NFIA: variants seen among roughly 807,000 people sequenced by gnomAD.
NFIA encodes nuclear factor I A.
A neutral mutation model predicts 62.8 loss-of-function variants in NFIA; 8 were observed. The observed-to-expected ratio is 0.13, with a 90% CI of 0.07 to 0.23. The LOEUF (loss-of-function observed/expected upper bound fraction) is 0.23, where lower values mean the gene tolerates loss of function less well. Ranked by LOEUF, NFIA falls within the 10% of genes least tolerant of loss-of-function variation. The pLI, the probability that NFIA is intolerant of heterozygous loss-of-function variation, is 1.00. For missense variants in NFIA, 410 were observed against 642.1 expected (o/e 0.64, Z 3.91); for synonymous variants, 235 against 238.1 (o/e 0.99, Z 0.12).
At chr1:61,378,487 T>C (rs1664257161) in intron 6 of NFIA, among the ~76,000 whole-genome samples, 2 of 152,330 alleles carry the variant, frequency 1.3e-5, no homozygotes, top group Middle Eastern at 3.4e-3. Flanking sequence ...GTAATTATTG[T>C]ACAGTAAACA....
intron 2 of NFIA, among the ~76,000 whole-genome samples, chr1:61,221,206 G>A (rs868509144): frequency 6.6e-6 from 1 of 151,850 alleles, no homozygotes; most frequent in Non-Finnish European, 1.5e-5. Context: ...AAGAGTGTAT[G>A]TATAAAAATT....
intron 10 of NFIA, among the ~76,000 whole-genome samples, chr1:61,431,964 G>C (rs745358561): frequency 6.6e-6 from 1 of 152,116 alleles, no homozygotes; most frequent in Non-Finnish European, 1.5e-5. Flanking sequence ...AAAGTACAGG[G>C]AATAAAAACT....
intron 10 of NFIA, among the ~76,000 whole-genome samples, chr1:61,445,009 T>G (rs1667744896): frequency 1.3e-5 from 2 of 152,216 alleles, no homozygotes; most frequent in Admixed American, 6.5e-5. Flanking sequence ...CAAGTGGAAT[T>G]TATCCGAAAA....
rs559281996 is a variant in NFIA at position 61,461,557 on chromosome 1, G to A, written c.*6237G>A. 1 of 152,052 alleles carries A rather than the reference G, an allele frequency of 6.6e-6. No individual in the cohort carries two copies. The highest frequency in any genetic ancestry group is 1.5e-5 in the Non-Finnish European group (1 of 68,022). 9.4% of individuals were successfully genotyped at this position (152,052 alleles called of 1,614,324 possible). A position where few individuals can be genotyped will look rare whatever the true frequency, so the allele number is the denominator to read the frequency against. On this transcript the variant is annotated 3_prime_UTR_variant, in exon 11 of 11. Coordinates refer to ENST00000403491, the MANE Select transcript of NFIA (RefSeq NM_001134673.4). Reference sequence around the variant, plus strand: ...AAAGAGTTACCTTTCCCAGATTAGGGGGATGGTATGTGGGGAGCAGATAGC... The same window carrying A: ...AAAGAGTTACCTTTCCCAGATTAGGAGGATGGTATGTGGGGAGCAGATAGC...
intron 2 of NFIA, among the ~76,000 whole-genome samples, chr1:61,093,329 CTG>C (rs1307922134): frequency 6.6e-6 from 1 of 151,988 alleles, no homozygotes; most frequent in Admixed American, 6.6e-5. Context: ...AGAATATACA[CTG>C]TATATTGTAT....
At chr1:61,156,773 C>T (rs193117309) in intron 2 of NFIA, among the ~76,000 whole-genome samples, 165 of 152,308 alleles carry the variant, frequency 1.1e-3, no homozygotes, top group African/African-American at 3.9e-3. Flanking sequence ...ATAACAGCAG[C>T]GGTAAATCAG....
chr1:61,451,489 C>T (rs1240814595), intron 10 of NFIA, among the ~76,000 whole-genome samples: 1 of 152,162 alleles, frequency 6.6e-6, no homozygotes, highest in East Asian at 1.9e-4. Flanking sequence ...AGCTCTTGTC[C>T]TGGACTGCAG....
intron 1 of NFIA, among the ~76,000 whole-genome samples, chr1:61,083,620 G>GT (rs899184063): frequency 2.6e-5 from 4 of 151,698 alleles, no homozygotes; most frequent in African/African-American, 9.7e-5. Context: ...CGGAGTGAAA[G>GT]TTTCGGGGCC....
intron 2 of NFIA, among the ~76,000 whole-genome samples, chr1:61,164,499 G>A (rs745620138): frequency 1.1e-4 from 17 of 151,640 alleles, no homozygotes; most frequent in Middle Eastern, 3.4e-3. Context: ...TTGCTCTGTC[G>A]CCCAGGCTGG....
intron 4 of NFIA, among the ~76,000 whole-genome samples, chr1:61,338,904 A>G (rs567507015): frequency 1.3e-5 from 2 of 152,220 alleles, no homozygotes; most frequent in Non-Finnish European, 2.9e-5. Context: ...TTGCATGGAA[A>G]TTAATTTTTA....
intron 2 of NFIA, among the ~76,000 whole-genome samples, chr1:61,157,849 A>G (rs997262403): frequency 6.6e-6 from 1 of 152,246 alleles, no homozygotes; most frequent in Non-Finnish European, 1.5e-5. Context: ...GAAAACTTTC[A>G]TAAGAGATTT....
intron 2 of NFIA, among the ~76,000 whole-genome samples, chr1:61,140,575 C>A (rs1003794267): frequency 6.6e-6 from 1 of 151,864 alleles, no homozygotes; most frequent in African/African-American, 2.4e-5. Flanking sequence ...GGGAAAAATT[C>A]TATTTATAAA....
chr1:61,325,932 CAAAAAAAAAA>C (rs36122626), intron 3 of NFIA, among the ~76,000 whole-genome samples: 7 of 87,910 alleles, frequency 8.0e-5, no homozygotes, highest in Admixed American at 3.2e-4. Flanking sequence ...GACTCTGTCT[CAAAAAAAAAA>C]AAAAAAAAAA....
At chr1:61,429,968 G>A (rs1303717048) in intron 10 of NFIA, among the ~76,000 whole-genome samples, 3 of 152,166 alleles carry the variant, frequency 2.0e-5, no homozygotes, top group Admixed American at 6.5e-5. Flanking sequence ...TCAGCTTTGC[G>A]AGATGAAAAG....
chr1:61,253,017 G>A (rs1252050487), intron 2 of NFIA, among the ~76,000 whole-genome samples: 3 of 152,154 alleles, frequency 2.0e-5, no homozygotes, highest in East Asian at 1.9e-4. Flanking sequence ...CTGAAATTAC[G>A]TGAAGGTTGA....
At chr1:61,342,205 TG>T (rs1661959999) in intron 4 of NFIA, among the ~76,000 whole-genome samples, 1 of 151,788 alleles carries the variant, frequency 6.6e-6, no homozygotes, top group South Asian at 2.1e-4. Flanking sequence ...TTTTTTTTTT[TG>T]TAAACAGCTG....
intron 3 of NFIA, among the ~76,000 whole-genome samples, chr1:61,315,616 G>A (rs1660328742): frequency 6.6e-6 from 1 of 152,116 alleles, no homozygotes; most frequent in Non-Finnish European, 1.5e-5. Flanking sequence ...AATGATTAGA[G>A]GGAAAAATAT....
rs554334144 is a variant in NFIA at position 61,318,251 on chromosome 1, GATAA to G, written c.626-14256_626-14253del. 2.6e-3 allele frequency among the ~76,000 whole-genome samples: 394 copies of G among 152,204 alleles called. 1 individual carries two copies. Among genetic ancestry groups the G allele is most frequent in the Non-Finnish European group, 3.6e-3 (247 of 68,018 alleles). On this transcript the variant is annotated intron_variant, in intron 3 of 10. Transcript: ENST00000403491. ...TTCAAAACTAAGTCTGGAGAAGGTG[GATAA>G]ATAAGTCAAAATTAACTTCATTTTA...
intron 2 of NFIA, among the ~76,000 whole-genome samples, chr1:61,126,819 C>T (rs1304681630): frequency 8.1e-6 from 1 of 122,884 alleles, no homozygotes; most frequent in African/African-American, 3.1e-5. Flanking sequence ...AAGTCTTGCT[C>T]TCTTGCCCAG....
Sources: allele counts gnomAD v4.1 joint callset (sites outside exome capture counted in the v4.1 genomes callset), GRCh38; gene constraint gnomAD v4.1.1; transcripts MANE v1.5; gene names NCBI Gene and HGNC (gene_info 2026-07-23, HGNC 2026-07-21).